Variants in MACROD2 observed in about 807,000 individuals in gnomAD.
MACROD2 encodes mono-ADP ribosylhydrolase 2.
A neutral mutation model predicts 70.4 loss-of-function variants in MACROD2; 36 were observed. That is an observed-to-expected ratio of 0.51 (90% confidence interval 0.39 to 0.68). MACROD2 has a LOEUF of 0.68. MACROD2 is among the 30% of genes least tolerant of loss of function. The pLI, the probability that MACROD2 is intolerant of heterozygous loss-of-function variation, is 0.00. For synonymous variants in MACROD2, 172 were observed against 178.8 expected, an observed-to-expected ratio of 0.96 and a Z score of 0.30; for missense variants, 496 against 538.4, an observed-to-expected ratio of 0.92 and a Z score of 0.78.
At chr20:14,357,613 C>T (rs978473998) in intron 3 of MACROD2, among the ~76,000 whole-genome samples, 11 of 152,082 alleles carry the variant, frequency 7.2e-5, no homozygotes, top group African/African-American at 2.4e-4. Context: ...TGTAGTGGTT[C>T]CTCAGGGCAA....
chr20:14,625,673 C>T (rs903127059), intron 4 of MACROD2, among the ~76,000 whole-genome samples: 6 of 152,202 alleles, frequency 3.9e-5, no homozygotes, highest in African/African-American at 1.4e-4. Flanking sequence ...GAGACCAACA[C>T]TGAGCCTCCA....
chr20:15,941,802 T>A (rs935056731), intron 12 of MACROD2, among the ~76,000 whole-genome samples: 4 of 152,196 alleles, frequency 2.6e-5, no homozygotes, highest in African/African-American at 9.6e-5. Context: ...GGCTTTAGAA[T>A]CACTGATATT....
chr20:15,435,655 T>G (rs1302256933), intron 7 of MACROD2, among the ~76,000 whole-genome samples: 1 of 152,144 alleles, frequency 6.6e-6, no homozygotes, highest in East Asian at 1.9e-4. Flanking sequence ...AAAGTAAACT[T>G]TTTAAATATC....
intron 3 of MACROD2, among the ~76,000 whole-genome samples, chr20:14,230,953 G>A (rs904633816): frequency 6.6e-6 from 1 of 151,198 alleles, no homozygotes; most frequent in Non-Finnish European, 1.5e-5. Context: ...TGGGTGGCCA[G>A]GAGCATTGTC....
intron 8 of MACROD2, among the ~76,000 whole-genome samples, chr20:15,534,025 C>A (rs1042597007): frequency 3.9e-5 from 6 of 152,172 alleles, no homozygotes; most frequent in Admixed American, 6.5e-5. Flanking sequence ...CAGATGATAA[C>A]CCTGAGGCTA....
intron 3 of MACROD2, among the ~76,000 whole-genome samples, chr20:14,474,387 T>A (rs2084565454): frequency 6.6e-6 from 1 of 152,192 alleles, no homozygotes; most frequent in Non-Finnish European, 1.5e-5. Context: ...TGTTTTGTAG[T>A]CTAACATGTG....
At chr20:14,341,109 A>G (rs2083008479) in intron 3 of MACROD2, among the ~76,000 whole-genome samples, 1 of 152,208 alleles carries the variant, frequency 6.6e-6, no homozygotes, top group African/African-American at 2.4e-5. Flanking sequence ...CCTCATTCAC[A>G]CATTCATTCA....
chr20:15,130,145 C>A (rs1018801102), intron 5 of MACROD2, among the ~76,000 whole-genome samples: 2 of 152,060 alleles, frequency 1.3e-5, no homozygotes, highest in Non-Finnish European at 2.9e-5. Flanking sequence ...GAACAAGATT[C>A]TCTTGTTTAA....
intron 8 of MACROD2, among the ~76,000 whole-genome samples, chr20:15,710,191 A>C (rs2146913944): frequency 7.7e-6 from 1 of 130,652 alleles, no homozygotes; most frequent in Non-Finnish European, 1.6e-5. Context: ...ATTATCAAAA[A>C]GACAAAAAAA....
At chr20:15,838,003 T>C (rs1384871930) in intron 8 of MACROD2, among the ~76,000 whole-genome samples, 4 of 152,158 alleles carry the variant, frequency 2.6e-5, no homozygotes, top group Non-Finnish European at 4.4e-5. Flanking sequence ...AAGTAGGAAC[T>C]ATCACCTTAC....
chr20:15,790,160 T>C (rs2147054398), intron 8 of MACROD2, among the ~76,000 whole-genome samples: 1 of 152,130 alleles, frequency 6.6e-6, no homozygotes, highest in South Asian at 2.1e-4. Flanking sequence ...AACAGTCTTA[T>C]GTAATATAAT....
intron 15 of MACROD2, among the ~76,000 whole-genome samples, chr20:16,034,539 C>T (rs1364505078): frequency 2.0e-5 from 3 of 152,096 alleles, no homozygotes; most frequent in East Asian, 1.9e-4. Context: ...GTTAAATGTA[C>T]GTGCAGATGC....
chr20:15,696,569 A>G (rs1461207097), intron 8 of MACROD2, among the ~76,000 whole-genome samples: 1 of 151,660 alleles, frequency 6.6e-6, no homozygotes, highest in Non-Finnish European at 1.5e-5. Context: ...AGAATGAATT[A>G]GGGAGGATTC....
chr20:14,277,449 A>G (rs894291240), intron 3 of MACROD2, among the ~76,000 whole-genome samples: 1 of 152,228 alleles, frequency 6.6e-6, no homozygotes, highest in Non-Finnish European at 1.5e-5. Context: ...CTCAAAGCAA[A>G]CAAACAAAAA....
At chr20:15,437,710 T>G (rs1326044111) in intron 7 of MACROD2, among the ~76,000 whole-genome samples, 2 of 152,098 alleles carry the variant, frequency 1.3e-5, no homozygotes, top group Non-Finnish European at 2.9e-5. Context: ...GTTCATGAGT[T>G]CTCATTATTT....
intron 5 of MACROD2, among the ~76,000 whole-genome samples, chr20:14,702,566 CACATATATGTGT>C (rs1307266803): frequency 1.7e-5 from 2 of 118,528 alleles, no homozygotes; most frequent in Admixed American, 9.0e-5. Flanking sequence ...TATATATATA[CACATATATGTGT>C]ATATATATGT....
At chr20:14,810,239 C>T (rs1384467789) in intron 5 of MACROD2, among the ~76,000 whole-genome samples, 1 of 152,064 alleles carries the variant, frequency 6.6e-6, no homozygotes, top group Non-Finnish European at 1.5e-5. Flanking sequence ...AACTTATCCA[C>T]CATGATCAAG....
intron 6 of MACROD2, among the ~76,000 whole-genome samples, chr20:15,427,251 A>G (rs576493086): frequency 3.9e-5 from 6 of 152,336 alleles, no homozygotes; most frequent in African/African-American, 1.2e-4. Flanking sequence ...TCATTTCCAG[A>G]TGAAACTATT....
intron 5 of MACROD2, among the ~76,000 whole-genome samples, chr20:15,032,043 T>A (rs554294546): frequency 3.0e-4 from 46 of 152,292 alleles, no homozygotes; most frequent in African/African-American, 1.0e-3. Context: ...GGCTGTCATG[T>A]CAGCGCTGCC....
Sources: gnomAD v4.1 joint callset for allele counts (sites outside exome capture counted in the v4.1 genomes callset) on GRCh38, gnomAD v4.1.1 for gene constraint, MANE v1.5 for transcripts, NCBI Gene and HGNC (gene_info 2026-07-23, HGNC 2026-07-21) for gene names.